The following TMC7 variants were observed in gnomAD, a reference collection of about 807,000 sequenced individuals.
The protein encoded by TMC7 is transmembrane channel-like protein 7.
In TMC7, 54 loss-of-function variants were observed where a neutral mutation model predicts 82.9. The ratio of observed to expected loss-of-function variants is 0.65; its 90% CI spans 0.52 to 0.82. TMC7 has a LOEUF of 0.82. Among genes scored for constraint, TMC7 ranks in the 40% least tolerant of loss-of-function variants. TMC7 has a pLI of 0.00. For missense variants in TMC7, 820 were observed against 901.2 expected (o/e 0.91, Z 1.15); for synonymous variants, 350 against 337.9 (o/e 1.04, Z -0.39).
chr16:18,985,208 G>C (rs1360534336), intron 1 of TMC7, among the ~76,000 whole-genome samples: 1 of 151,114 alleles, frequency 6.6e-6, no homozygotes, highest in Non-Finnish European at 1.5e-5. Flanking sequence ...GCAGTGAGCC[G>C]AGATTGCGCC....
At chr16:19,054,740 CTTT>C (rs71143826) in intron 13 of TMC7, among the ~76,000 whole-genome samples, 22 of 63,134 alleles carry the variant, frequency 3.5e-4, no homozygotes, top group East Asian at 1.9e-3. Flanking sequence ...ATGGGATTTG[CTTT>C]TTTTTTTTTT....
chr16:19,000,634 G>A (rs1367876289), intron 1 of TMC7, among the ~76,000 whole-genome samples: 1 of 152,102 alleles, frequency 6.6e-6, no homozygotes, highest in Non-Finnish European at 1.5e-5. Context: ...TTTCTAATAG[G>A]GCTGGTTTGT....
chr16:19,022,154 A>T (rs1224742386), intron 4 of TMC7, among the ~76,000 whole-genome samples: 2 of 152,202 alleles, frequency 1.3e-5, no homozygotes, highest in Admixed American at 6.5e-5. Flanking sequence ...CTACATGTGG[A>T]CTTACATACA....
chr16:19,009,533 A>G, intron 2 of TMC7, 118 bp downstream of exon 2: 1 of 1,301,622 alleles, frequency 7.7e-7, no homozygotes. Context: ...TCCTTAGGGT[A>G]AGCTAAGCCT....
chr16:19,059,564 T>C, intron 15 of TMC7, 70 bp downstream of exon 15: 1 of 1,613,738 alleles, frequency 6.2e-7, no homozygotes, highest in Non-Finnish European at 8.5e-7. Context: ...GAAAGTGCTG[T>C]TTTCCTGGGA....
chr16:19,041,636 T>A (rs1193547731), intron 9 of TMC7, among the ~76,000 whole-genome samples: 1 of 152,190 alleles, frequency 6.6e-6, no homozygotes, highest in Non-Finnish European at 1.5e-5. Flanking sequence ...CCTCCCAAAG[T>A]GCTGGGATTA....
Position 19,040,432 on chromosome 16 carries a change from T to A in TMC7, c.1323T>A (p.Arg441=), listed in dbSNP as rs1228499284. 6.2e-7 allele frequency: 1 copy of A among 1,611,934 alleles called. No individual in the cohort carries two copies. Among genetic ancestry groups the A allele is most frequent in the Admixed American group, 1.7e-5 (1 of 59,916 alleles). Residue 441 remains arginine, a synonymous_variant, in exon 9 of 16, where the codon CGT becomes CGA. Coordinates refer to ENST00000304381, the MANE Select transcript of TMC7 (RefSeq NM_024847.4). ...YEDYSPGFEI[R]LTILRCVFMR... ...ATTATTCTCCAGGCTTTGAGATCCG[T>A]CTGACAATCCTTAGGTAATGCCTAA...
chr16:19,034,068 T>C (rs916138715), intron 6 of TMC7, among the ~76,000 whole-genome samples: 1 of 152,214 alleles, frequency 6.6e-6, no homozygotes, highest in Non-Finnish European at 1.5e-5. Context: ...AATAAAAATA[T>C]GCAACAGAAT....
rs1232852655 is a variant in TMC7 at position 19,041,200 on chromosome 16, A to C, written c.1337+754A>C. 2.0e-5 allele frequency among the ~76,000 whole-genome samples: 3 copies of C among 151,178 alleles called. No individual in the cohort carries two copies. The East Asian group carries it at 6.0e-4, about 30-fold the overall frequency. The stretch of plus-strand genomic sequence containing the variant: ...CAAGAGCCACCATGCCCGGTCTCAA[A>C]GTTTTCAAACAGAATGCATAGTGTA... On this transcript the variant is annotated intron_variant, in intron 9 of 15. Transcript: ENST00000304381.
chr16:18,988,337 TAGA>T (rs1018036678), intron 1 of TMC7, among the ~76,000 whole-genome samples: 2 of 151,612 alleles, frequency 1.3e-5, no homozygotes, highest in Non-Finnish European at 2.9e-5. Context: ...GTATTTTTGG[TAGA>T]GATGATACTT....
chr16:19,032,237 C>T (rs1230118223), intron 6 of TMC7, among the ~76,000 whole-genome samples: 1 of 152,100 alleles, frequency 6.6e-6, no homozygotes, highest in Non-Finnish European at 1.5e-5. Context: ...TCTGGCCCTC[C>T]ATAAGGACCA....
intron 9 of TMC7, among the ~76,000 whole-genome samples, chr16:19,043,304 T>A (rs949429689): frequency 6.6e-6 from 1 of 152,206 alleles, no homozygotes. Flanking sequence ...AAAGATTCCA[T>A]TGGTTCTTTT....
intron 5 of TMC7, among the ~76,000 whole-genome samples, chr16:19,028,045 T>G (rs893473728): frequency 3.3e-5 from 5 of 152,164 alleles, no homozygotes; most frequent in African/African-American, 1.2e-4. Context: ...TAATATGGAT[T>G]TTTAGTGTTC....
intron 15 of TMC7, among the ~76,000 whole-genome samples, chr16:19,060,645 A>G (rs1289325019): frequency 6.6e-6 from 1 of 152,146 alleles, no homozygotes; most frequent in Non-Finnish European, 1.5e-5. Flanking sequence ...GTGTGGCCAC[A>G]GGGTGGTGAG....
chr16:19,002,913 C>A (rs951616864), intron 1 of TMC7, among the ~76,000 whole-genome samples: 5 of 152,228 alleles, frequency 3.3e-5, no homozygotes, highest in African/African-American at 1.2e-4. Context: ...TGATCTTATT[C>A]TTTAAGGATG....
chr16:18,996,912 C>T (rs1455416746), intron 1 of TMC7, among the ~76,000 whole-genome samples: 2 of 152,246 alleles, frequency 1.3e-5, no homozygotes, highest in East Asian at 1.9e-4. Context: ...CTTCCCAAGT[C>T]CATGACTAGC....
At position 19,038,003 on chromosome 16, in the gene TMC7, G is replaced by A. The variant is rs1567521855; in HGVS notation, c.1135G>A (p.Ala379Thr). 6.2e-7 allele frequency: 1 copy of A among 1,614,036 alleles called. No individual in the cohort carries two copies. The highest frequency in any genetic ancestry group is 1.1e-5 in the South Asian group (1 of 91,032). Reference protein sequence around the residue: ...VLAVLGACFYAIYVATVFSQE... With the variant: ...VLAVLGACFYTIYVATVFSQE... Reference sequence around the variant, plus strand: ...GGCTGTTTTAGGGGCATGCTTTTATGCAATATACGTAGCAACTGTCTTCTC... The same window carrying A: ...GGCTGTTTTAGGGGCATGCTTTTATACAATATACGTAGCAACTGTCTTCTC... Residue 379 changes from alanine (A) to threonine (T), a missense_variant, in exon 8 of 16, where the codon GCA (alanine) becomes ACA (threonine). By Grantham distance (58) the Ala-to-Thr change is moderately conservative (BLOSUM62 0). This residue lies in a region of TMC7 where 650 missense variants were observed against 669.9 expected (regional missense o/e 0.97). Coordinates refer to ENST00000304381, the MANE Select transcript of TMC7 (RefSeq NM_024847.4).
intron 1 of TMC7, among the ~76,000 whole-genome samples, chr16:18,990,350 G>A (rs1174013635): frequency 1.3e-5 from 2 of 152,204 alleles, no homozygotes; most frequent in African/African-American, 2.4e-5. Flanking sequence ...TCAGAGGCCT[G>A]ACAGTGTGAT....
intron 1 of TMC7, among the ~76,000 whole-genome samples, chr16:18,995,871 A>G (rs57236335): frequency 0.021 from 3,142 of 152,226 alleles, 114 homozygotes; most frequent in African/African-American, 0.072. Flanking sequence ...GTGCATATTG[A>G]GAATAAGACA....
Sources: gnomAD v4.1 joint callset for allele counts (sites outside exome capture counted in the v4.1 genomes callset) on GRCh38, gnomAD v4.1.1 for gene constraint, gnomAD v4.1.1 regional missense constraint, MANE v1.5 for transcripts, NCBI Gene and HGNC (gene_info 2026-07-23, HGNC 2026-07-21) for gene names.